UBE3A: variants seen among roughly 807,000 people sequenced by gnomAD.
UBE3A encodes the protein ubiquitin protein ligase E3A, also known as ubiquitin-protein ligase E3A.
Under a neutral mutation model 83.4 loss-of-function variants are expected in UBE3A, and 6 were observed. The observed-to-expected ratio is 0.07, with a 90% confidence interval of 0.04 to 0.14. The LOEUF (loss-of-function observed/expected upper bound fraction) is 0.14, where lower values mean the gene tolerates loss of function less well. Ranked by LOEUF, UBE3A falls within the 10% of genes least tolerant of loss-of-function variation. The pLI, the probability that UBE3A is intolerant of heterozygous loss-of-function variation, is 1.00. For missense variants in UBE3A, 456 were observed against 1,036.1 expected (o/e 0.44, Z 7.69); for synonymous variants, 337 against 355.4 (o/e 0.95, Z 0.58).
chr15:25,426,580 C>G (rs781425939), intron 1 of UBE3A, among the ~76,000 whole-genome samples: 5 of 152,150 alleles, frequency 3.3e-5, no homozygotes, highest in Non-Finnish European at 7.4e-5. Context: ...ACCTGCCTAT[C>G]AAATAAATGT....
At chr15:25,362,353 T>C (rs1416549855) in intron 6 of UBE3A, among the ~76,000 whole-genome samples, 1 of 152,236 alleles carries the variant, frequency 6.6e-6, no homozygotes, top group Non-Finnish European at 1.5e-5. Flanking sequence ...GACAATGTTT[T>C]GTTATGGAAA....
At chr15:25,384,160 TGAAAATTAAA>T (rs2082671780) in intron 4 of UBE3A, among the ~76,000 whole-genome samples, 1 of 151,936 alleles carries the variant, frequency 6.6e-6, no homozygotes, top group Non-Finnish European at 1.5e-5. Flanking sequence ...ACATGTACAT[TGAAAATTAAA>T]CAACATAGGC....
chr15:25,386,199 A>G (rs1399797102), intron 4 of UBE3A, among the ~76,000 whole-genome samples: 1 of 152,162 alleles, frequency 6.6e-6, no homozygotes, highest in Non-Finnish European at 1.5e-5. Context: ...AAGCTCACTA[A>G]AAAGACTGAC....
At chr15:25,424,749 T>C (rs951078058) in intron 1 of UBE3A, among the ~76,000 whole-genome samples, 6 of 152,198 alleles carry the variant, frequency 3.9e-5, no homozygotes, top group Non-Finnish European at 8.8e-5. Context: ...AAATGAAATT[T>C]TAAAAAATTC....
intron 5 of UBE3A, among the ~76,000 whole-genome samples, chr15:25,372,393 A>G (rs1886163629): frequency 6.6e-6 from 1 of 152,222 alleles, no homozygotes; most frequent in Non-Finnish European, 1.5e-5. Flanking sequence ...ACCATTTCTC[A>G]TCGGCTCTTA....
Position 25,337,670 on chromosome 15 carries a change from T to C in UBE3A, c.*1467A>G, listed in dbSNP as rs917342872. ...AAATCATCAGGTTGATCTACAGTAA[T>C]CAGTTAAAACAATCAGTCAATCAAT... is the stretch of plus-strand genomic sequence containing the variant. On this transcript the variant is annotated 3_prime_UTR_variant, in exon 13 of 13. Coordinates refer to ENST00000648336, the MANE Select transcript of UBE3A (RefSeq NM_130839.5). 2 of 152,074 alleles carry C rather than the reference T, an allele frequency of 1.3e-5. No individual in the cohort carries two copies. The highest frequency in any genetic ancestry group is 2.9e-5 in the Non-Finnish European group (2 of 67,998). 9.4% of individuals were successfully genotyped at this position (152,074 alleles called of 1,614,324 possible).
chr15:25,401,102 T>A (rs2086969309), intron 4 of UBE3A, among the ~76,000 whole-genome samples: 1 of 152,338 alleles, frequency 6.6e-6, no homozygotes, highest in South Asian at 2.1e-4. Context: ...CCTAATGTTG[T>A]ATATCACATT....
chr15:25,408,352 G>A (rs1272837187), intron 3 of UBE3A: 2 of 518,308 alleles, frequency 3.9e-6, no homozygotes, highest in African/African-American at 3.8e-5. Flanking sequence ...GCTTGTAAAT[G>A]CAGAACATAT....
At chr15:25,427,738 G>A (rs568407638) in intron 1 of UBE3A, among the ~76,000 whole-genome samples, 28 of 143,378 alleles carry the variant, frequency 2.0e-4, no homozygotes, top group South Asian at 9.1e-4. Context: ...GATGCAGGGA[G>A]CTATGATCAT....
At chr15:25,408,702 A>G in intron 3 of UBE3A, 1 of 1,574,036 alleles carries the variant, frequency 6.4e-7, no homozygotes. Context: ...AGAAAAGTAT[A>G]CTAGTTTTAT....
At chr15:25,375,254 G>T in intron 5 of UBE3A, 1 of 586,166 alleles carries the variant, frequency 1.7e-6, no homozygotes, top group Non-Finnish European at 2.9e-6. Context: ...ATTAACAAAT[G>T]AACTTTTGGC....
rs189059478 is a variant in UBE3A, at chr15:25,427,140, A to C, written c.-165+11349T>G. Among the ~76,000 whole-genome samples, 895 of 152,298 alleles carry C rather than the reference A, an allele frequency of 5.9e-3. 5 individuals carry two copies. The highest frequency in any genetic ancestry group is 0.013 in the Admixed American group (195 of 15,288). On this transcript the variant is annotated intron_variant, in intron 1 of 12. Transcript: ENST00000648336. ...TCTGTAGATGAACACTTATACATTCAGCACTTACAAATAACTGAATGTGGG... is the reference window on the plus strand; with the variant it reads ...TCTGTAGATGAACACTTATACATTCCGCACTTACAAATAACTGAATGTGGG...
intron 4 of UBE3A, among the ~76,000 whole-genome samples, chr15:25,404,187 C>A (rs1480927463): frequency 1.3e-5 from 2 of 152,132 alleles, no homozygotes; most frequent in East Asian, 3.9e-4. Context: ...TCGTTTCTTG[C>A]AGATTCACAA....
chr15:25,354,841 TTC>T (rs1022322525), intron 9 of UBE3A, among the ~76,000 whole-genome samples, 158 bp from the exon 10 acceptor site: 2 of 152,060 alleles, frequency 1.3e-5, no homozygotes, highest in Admixed American at 6.6e-5. Flanking sequence ...AATTTCACAA[TTC>T]TCTGTTATAG....
intron 11 of UBE3A, among the ~76,000 whole-genome samples, chr15:25,353,536 AG>A (rs1237038038): frequency 1.3e-5 from 2 of 152,218 alleles, no homozygotes; most frequent in Non-Finnish European, 2.9e-5. Context: ...TGCATGTCAG[AG>A]GGCCCATGAA....
chr15:25,346,947 C>T (rs1359899076), intron 11 of UBE3A: 1 of 152,094 alleles, frequency 6.6e-6, no homozygotes, highest in East Asian at 1.9e-4. Flanking sequence ...GAAAATTTTC[C>T]ATGTTTGGCA....
rs751567252 is a variant in UBE3A at position 25,427,602 on chromosome 15, C to CAAAAAAAAA, written c.-165+10878_-165+10886dup. The stretch of plus-strand genomic sequence containing the variant: ...GCAACATAGGAAGACCCCATCTCTA[C>CAAAAAAAAA]AAAAAAAAAAAAAAAAAAAAAAAAA... On this transcript the variant is annotated intron_variant, in intron 1 of 12. Coordinates refer to ENST00000648336, the MANE Select transcript of UBE3A (RefSeq NM_130839.5). Among the ~76,000 whole-genome samples, 5 of 64,190 alleles carry CAAAAAAAAA rather than the reference C, an allele frequency of 7.8e-5. 1 individual carries two copies. The highest frequency in any genetic ancestry group is 3.7e-4 in the African/African-American group (5 of 13,388). 42.1% of individuals were successfully genotyped at this position (64,190 alleles called of 152,430 possible). A position where few individuals can be genotyped will look rare whatever the true frequency, so the allele number is the denominator to read the frequency against.
chr15:25,411,316 G>A (rs752422485), intron 2 of UBE3A, among the ~76,000 whole-genome samples: 3 of 152,260 alleles, frequency 2.0e-5, no homozygotes, highest in Non-Finnish European at 2.9e-5. Flanking sequence ...ATGGCTGGGC[G>A]TGGTGGCTAA....
chr15:25,396,112 G>A (rs1240561245), intron 4 of UBE3A, among the ~76,000 whole-genome samples: 2 of 151,834 alleles, frequency 1.3e-5, no homozygotes, highest in South Asian at 2.1e-4. Flanking sequence ...TGAGGCAGGA[G>A]AATTGCTTCA....
Sources: gnomAD v4.1 joint callset for allele counts (sites outside exome capture counted in the v4.1 genomes callset) on GRCh38, gnomAD v4.1.1 for gene constraint, MANE v1.5 for transcripts, NCBI Gene and HGNC (gene_info 2026-07-23, HGNC 2026-07-21) for gene names.